NRG1: variants seen among roughly 807,000 people sequenced by gnomAD.
The protein encoded by NRG1 is neuregulin 1.
A neutral mutation model predicts 63.8 loss-of-function variants in NRG1; 18 were observed. The ratio of observed to expected loss-of-function variants is 0.28; its 90% CI spans 0.19 to 0.42. The LOEUF is 0.42. Among genes scored for constraint, NRG1 ranks in the 10% least tolerant of loss-of-function variants. The probability of loss-of-function intolerance (pLI) is 1.00; values close to 1 mark genes in which losing one functional copy is unlikely to be tolerated. For synonymous variants in NRG1, 302 were observed against 301.3 expected (o/e 1.00, Z -0.02); for missense variants, 762 against 814.7 (o/e 0.94, Z 0.79).
chr8:32,217,676 C>T (rs562659662), intron 1 of NRG1, among the ~76,000 whole-genome samples: 3 of 152,288 alleles, frequency 2.0e-5, no homozygotes, highest in South Asian at 4.1e-4. Context: ...ACTGAGAATA[C>T]TCCTGTCCCA....
intron 1 of NRG1, among the ~76,000 whole-genome samples, chr8:31,787,691 A>G (rs192428403): frequency 4.9e-4 from 74 of 152,330 alleles, no homozygotes; most frequent in African/African-American, 1.7e-3. Flanking sequence ...AATAGTCTTC[A>G]ATTTACACTG....
At chr8:32,013,432 A>G (rs748971591) in intron 1 of NRG1, among the ~76,000 whole-genome samples, 1 of 152,150 alleles carries the variant, frequency 6.6e-6, no homozygotes, top group Admixed American at 6.6e-5. Context: ...TTTCTTGAGC[A>G]TGCCTGCTAA....
intron 1 of NRG1, among the ~76,000 whole-genome samples, chr8:32,218,528 A>G (rs1282520611): frequency 2.0e-5 from 3 of 152,194 alleles, no homozygotes; most frequent in Non-Finnish European, 4.4e-5. Flanking sequence ...ACCAAGAGTC[A>G]CAGATTGCTT....
At chr8:31,736,987 G>C (rs116092131) in intron 1 of NRG1, among the ~76,000 whole-genome samples, 101 of 152,188 alleles carry the variant, frequency 6.6e-4, no homozygotes, top group African/African-American at 2.4e-3. Flanking sequence ...CATGGTTTTG[G>C]TTCTGCCTCT....
At chr8:31,800,727 T>C (rs1210533272) in intron 1 of NRG1, among the ~76,000 whole-genome samples, 1 of 152,056 alleles carries the variant, frequency 6.6e-6, no homozygotes, top group Admixed American at 6.6e-5. Context: ...CTGGAAAGTT[T>C]GGAAAAATGA....
chr8:32,586,231 A>T (rs1262336300), intron 1 of NRG1, among the ~76,000 whole-genome samples: 3 of 143,926 alleles, frequency 2.1e-5, no homozygotes, highest in Non-Finnish European at 4.6e-5. Flanking sequence ...CTATATATAA[A>T]TATACTGTAA....
At chr8:31,685,323 A>G (rs1808771897) in intron 1 of NRG1, among the ~76,000 whole-genome samples, 1 of 152,164 alleles carries the variant, frequency 6.6e-6, no homozygotes, top group African/African-American at 2.4e-5. Context: ...TCTTTTCACT[A>G]CTTGAAGTAT....
At chr8:32,004,539 CTG>C (rs1275070950) in intron 1 of NRG1, among the ~76,000 whole-genome samples, 1 of 151,694 alleles carries the variant, frequency 6.6e-6, no homozygotes, top group East Asian at 2.0e-4. Context: ...CATGAGAACT[CTG>C]TGCTTTTGGT....
chr8:31,922,298 C>A (rs569078937), intron 1 of NRG1, among the ~76,000 whole-genome samples: 94 of 152,252 alleles, frequency 6.2e-4, no homozygotes, highest in Non-Finnish European at 1.2e-3. Context: ...GTGGACTTGG[C>A]TTCTCCCGTT....
At chr8:32,089,488 G>A (rs1050894575) in intron 1 of NRG1, among the ~76,000 whole-genome samples, 2 of 152,130 alleles carry the variant, frequency 1.3e-5, no homozygotes, top group African/African-American at 2.4e-5. Context: ...AATATTTTAA[G>A]TGCTTATTTC....
chr8:31,682,622 C>G (rs1403098984), intron 1 of NRG1, among the ~76,000 whole-genome samples: 1 of 151,808 alleles, frequency 6.6e-6, no homozygotes, highest in African/African-American at 2.4e-5. Flanking sequence ...TTTCCGTGTG[C>G]CTATAATTTT....
chr8:32,070,706 T>C (rs1825632894), intron 1 of NRG1, among the ~76,000 whole-genome samples: 2 of 152,226 alleles, frequency 1.3e-5, no homozygotes, highest in South Asian at 4.1e-4. Flanking sequence ...CCTAGAGCAA[T>C]AGCCGGTAAC....
chr8:31,938,894 G>T (rs572515986), intron 1 of NRG1, among the ~76,000 whole-genome samples: 1 of 152,040 alleles, frequency 6.6e-6, no homozygotes. Context: ...ATGAACAAAG[G>T]CTCCAAGAAG....
At chr8:32,176,590 C>T (rs541469765) in intron 1 of NRG1, among the ~76,000 whole-genome samples, 2 of 152,186 alleles carry the variant, frequency 1.3e-5, no homozygotes, top group South Asian at 4.2e-4. Context: ...TGTCAAAGGG[C>T]TAATATCCAG....
At chr8:31,653,698 A>G (rs932296734) in intron 1 of NRG1, among the ~76,000 whole-genome samples, 1 of 152,196 alleles carries the variant, frequency 6.6e-6, no homozygotes, top group Admixed American at 6.5e-5. Flanking sequence ...TGTATTAACT[A>G]TGTGTAATTC....
chr8:32,302,651 T>C (rs182948180), intron 1 of NRG1, among the ~76,000 whole-genome samples: 1 of 147,224 alleles, frequency 6.8e-6, no homozygotes, highest in East Asian at 2.0e-4. Context: ...TATTTGTATT[T>C]CTATTTATCA....
chr8:31,818,930 T>C (rs1287592939), intron 1 of NRG1, among the ~76,000 whole-genome samples: 2 of 152,050 alleles, frequency 1.3e-5, no homozygotes, highest in African/African-American at 4.8e-5. Flanking sequence ...GGTGGGCGCC[T>C]GTAGTCCCAG....
At chr8:31,921,839 A>G (rs1282264080) in intron 1 of NRG1, among the ~76,000 whole-genome samples, 2 of 152,200 alleles carry the variant, frequency 1.3e-5, no homozygotes, top group East Asian at 3.8e-4. Flanking sequence ...TTTCCACATC[A>G]TCTAAACCCT....
rs553504398 is a variant in NRG1 at position 32,687,107 on chromosome 8, G to T, written c.503-40842G>T. ...CTATATAAAGCTGTATCAACCACGTGCAACCACTTTAGCATACCACTCTAT... is the reference window on the plus strand; with the variant it reads ...CTATATAAAGCTGTATCAACCACGTTCAACCACTTTAGCATACCACTCTAT... On this transcript the variant is annotated intron_variant, in intron 5 of 11. Coordinates refer to ENST00000356819, the Ensembl canonical transcript of NRG1. Among the ~76,000 whole-genome samples the T allele has an allele frequency of 7.2e-4, 110 of 152,220 alleles. 3 individuals carry two copies. The highest frequency in any genetic ancestry group is 2.5e-3 in the African/African-American group (102 of 41,534).
Sources: allele counts gnomAD v4.1 joint callset (sites outside exome capture counted in the v4.1 genomes callset), GRCh38; gene constraint gnomAD v4.1.1; transcripts MANE v1.5; gene names NCBI Gene and HGNC (gene_info 2026-07-23, HGNC 2026-07-21).